OSBPL9: variants seen among roughly 807,000 people sequenced by gnomAD.
The protein encoded by OSBPL9 is oxysterol-binding protein-related protein 9.
In OSBPL9, 40 loss-of-function variants were observed where a neutral mutation model predicts 106.6. The observed-to-expected ratio is 0.38, with a 90% CI of 0.29 to 0.49. The LOEUF (loss-of-function observed/expected upper bound fraction) is 0.49. Among genes scored for constraint, OSBPL9 ranks in the 20% least tolerant of loss-of-function variants. The pLI, the probability that OSBPL9 is intolerant of heterozygous loss-of-function variation, is 0.97. For synonymous variants in OSBPL9, 269 were observed against 295.4 expected (o/e 0.91, Z 0.92); for missense variants, 609 against 887.2 (o/e 0.69, Z 3.98).
chr1:51,761,897 G>A lies in OSBPL9; in HGVS notation c.704G>A (p.Arg235His), dbSNP rs1268687595. ...GTTCAGTTGTGTAAGTCAGAGCAGC[G>A]TCCATCTTCCCTACCAGTTGGACCT... Reference protein sequence around the residue: ...EPVQLCKSEQRPSSLPVGPVL... With the variant: ...EPVQLCKSEQHPSSLPVGPVL... The change falls in exon 11 of 24, where the codon CGT becomes CAT. Residue 235 changes from arginine to histidine, a missense_variant. By Grantham distance (29) the Arg-to-His change is conservative. This residue lies in a region of OSBPL9 where 356 missense variants were observed against 505.8 expected (regional missense o/e 0.70). Coordinates refer to ENST00000428468, the MANE Select transcript of OSBPL9 (RefSeq NM_024586.6). 3.1e-6 allele frequency: 5 copies of A among 1,613,634 alleles called. No individual in the cohort carries two copies. Among genetic ancestry groups the A allele is most frequent in the Admixed American group, 1.7e-5 (1 of 60,002 alleles).
At chr1:51,558,416 C>T in the OSBPL9 span, among the ~76,000 whole-genome samples, 1 of 152,154 alleles carries the variant, frequency 6.6e-6, no homozygotes, top group African/African-American at 2.4e-5. Flanking sequence ...AGGCCACCTC[C>T]CCAATTCTCC....
chr1:51,669,882 A>G (rs1178374029), intron 3 of OSBPL9: 4 of 458,222 alleles, frequency 8.7e-6, no homozygotes, highest in Non-Finnish European at 1.7e-5. Context: ...ACTGATTGTG[A>G]AGGTTGCAGT....
At chr1:51,545,163 A>G in the OSBPL9 span, among the ~76,000 whole-genome samples, 1 of 152,154 alleles carries the variant, frequency 6.6e-6, no homozygotes, top group Admixed American at 6.6e-5. Flanking sequence ...ACTTAAAGAG[A>G]TAGATTAAAA....
chr1:51,762,859 A>G (rs1671814397), intron 11 of OSBPL9, among the ~76,000 whole-genome samples: 2 of 152,202 alleles, frequency 1.3e-5, no homozygotes. Flanking sequence ...GATGGAAGCA[A>G]TACTTCAGTG....
chr1:51,770,514 G>A (rs1209177161), intron 12 of OSBPL9, among the ~76,000 whole-genome samples: 1 of 152,180 alleles, frequency 6.6e-6, no homozygotes, highest in Non-Finnish European at 1.5e-5. Flanking sequence ...CTGGGCTCAA[G>A]TGATCCTCTT....
At chr1:51,698,789 A>G (rs1206665356) in intron 3 of OSBPL9, among the ~76,000 whole-genome samples, 1 of 152,224 alleles carries the variant, frequency 6.6e-6, no homozygotes, top group Non-Finnish European at 1.5e-5. Context: ...TTCACTCAGA[A>G]TTAGTATAGC....
chr1:51,728,398 T>A (rs919079825), intron 4 of OSBPL9, among the ~76,000 whole-genome samples: 6 of 152,144 alleles, frequency 3.9e-5, no homozygotes, highest in Non-Finnish European at 8.8e-5. Flanking sequence ...TGGAGAGAGA[T>A]GGACAGAATG....
chr1:51,772,725 T>A lies in OSBPL9; in HGVS notation c.1170+2T>A. The stretch of plus-strand genomic sequence containing the variant: ...AGACTTGGAATGGATCTTACTAAGG[T>A]AAGACCAAATTTGCTGTAAGTCTGT... On this transcript the variant is annotated splice_donor_variant, in intron 14 of 23. Coordinates refer to ENST00000428468, the MANE Select transcript of OSBPL9 (RefSeq NM_024586.6). LOFTEE classifies it high-confidence loss of function. 6.2e-7 allele frequency: 1 copy of A among 1,607,430 alleles called. No individual in the cohort carries two copies. The highest frequency in any genetic ancestry group is 8.5e-7 in the Non-Finnish European group (1 of 1,173,916).
intron 3 of OSBPL9, among the ~76,000 whole-genome samples, chr1:51,713,399 C>G (rs944481497): frequency 1.3e-5 from 2 of 152,130 alleles, no homozygotes; most frequent in Non-Finnish European, 2.9e-5. Context: ...ATCCGCCCGC[C>G]TCAGCCTCCC....
intron 3 of OSBPL9, among the ~76,000 whole-genome samples, chr1:51,697,417 T>C (rs1207437743): frequency 6.6e-6 from 1 of 151,466 alleles, no homozygotes; most frequent in South Asian, 2.1e-4. Context: ...ACAATAACTT[T>C]CAGAGAAAAG....
chr1:51,537,144 C>T, the OSBPL9 span, among the ~76,000 whole-genome samples: 1 of 152,126 alleles, frequency 6.6e-6, no homozygotes, highest in Non-Finnish European at 1.5e-5. Flanking sequence ...AAGAAGGTTT[C>T]CTTCTCTCTA....
At chr1:51,608,473 T>TA (rs58928857) in intron 2 of OSBPL9, among the ~76,000 whole-genome samples, 2 of 151,280 alleles carry the variant, frequency 1.3e-5, no homozygotes, top group African/African-American at 4.9e-5. Flanking sequence ...TTTTTTTTTT[T>TA]ATTTTTAGTA....
chr1:51,541,080 A>G, the OSBPL9 span, among the ~76,000 whole-genome samples: 3 of 152,104 alleles, frequency 2.0e-5, no homozygotes, highest in East Asian at 1.9e-4. Flanking sequence ...GCAGTGAGCC[A>G]AGATCATGCT....
the OSBPL9 span, among the ~76,000 whole-genome samples, chr1:51,560,273 A>T: frequency 0.17 from 26,290 of 152,174 alleles, 4,625 homozygotes; most frequent in African/African-American, 0.45. Context: ...GGTGTAATCA[A>T]TACAGCAAAG....
chr1:51,787,460 A>T lies in OSBPL9; in HGVS notation c.2108A>T (p.Lys703Met), dbSNP rs765580591. 4 of 1,614,050 alleles carry T rather than the reference A, an allele frequency of 2.5e-6. No individual in the cohort carries two copies. Among genetic ancestry groups the T allele is most frequent in the Non-Finnish European group, 8.5e-7 (1 of 1,179,898 alleles). The change falls in exon 23 of 24, where the codon AAG becomes ATG. Residue 703 changes from lysine to methionine, a missense_variant. Physicochemically the swap from Lys to Met is moderately conservative, Grantham distance 95. Coordinates refer to ENST00000428468, the MANE Select transcript of OSBPL9 (RefSeq NM_024586.6). ...CAAAGAGCAGAAGCCCGAGAAAGGA[A>T]GGAGAAGGAAATTCAGTGGGAGACA... is the stretch of plus-strand genomic sequence containing the variant. ...ERQRAEARER[K>M]EKEIQWETRL...
chr1:51,615,118 G>C (rs1348775502), upstream of OSBPL9, among the ~76,000 whole-genome samples: 2 of 152,228 alleles, frequency 1.3e-5, no homozygotes, highest in African/African-American at 4.8e-5. Context: ...AAGTTAGCCA[G>C]GCGAGCGCCT....
the OSBPL9 span, among the ~76,000 whole-genome samples, chr1:51,527,891 G>C: frequency 0.077 from 11,591 of 151,102 alleles, 501 homozygotes; most frequent in Middle Eastern, 0.088. Context: ...GGCAAGCAGA[G>C]CACTTGAGGT....
chr1:51,540,172 T>C, the OSBPL9 span, among the ~76,000 whole-genome samples: 1 of 152,190 alleles, frequency 6.6e-6, no homozygotes, highest in Admixed American at 6.5e-5. Context: ...TTTAATTTTC[T>C]GTCCAGAGAG....
chr1:51,742,793 G>A (rs1157258547), intron 4 of OSBPL9, among the ~76,000 whole-genome samples: 2 of 152,034 alleles, frequency 1.3e-5, no homozygotes, highest in Admixed American at 1.3e-4. Flanking sequence ...AAGTGTTGTG[G>A]CTTAGTGTTC....
Sources: allele counts gnomAD v4.1 joint callset (sites outside exome capture counted in the v4.1 genomes callset), GRCh38; gene constraint gnomAD v4.1.1; regional missense constraint gnomAD v4.1.1; transcripts MANE v1.5; gene names NCBI Gene and HGNC (gene_info 2026-07-23, HGNC 2026-07-21).